The following TMOD3 variants were observed in gnomAD, a reference collection of about 807,000 sequenced individuals.
TMOD3 encodes the protein tropomodulin 3, also known as tropomodulin-3.
In TMOD3, 20 loss-of-function variants were observed where a neutral mutation model predicts 39.2. That is an observed-to-expected ratio of 0.51 (90% CI 0.36 to 0.74). TMOD3 has a LOEUF of 0.74. Among genes scored for constraint, TMOD3 ranks in the 30% least tolerant of loss-of-function variants. The pLI, the probability that TMOD3 is intolerant of heterozygous loss-of-function variation, is 0.00. For missense variants in TMOD3, 381 were observed against 412.8 expected (o/e 0.92, Z 0.67); for synonymous variants, 143 against 145.8 (o/e 0.98, Z 0.14).
intron 1 of TMOD3, chr15:51,859,453 C>A: frequency 1.2e-5 from 8 of 660,682 alleles, no homozygotes; most frequent in South Asian, 2.7e-5. Context: ...CTGAAAAAGT[C>A]AACTGAAAAT....
At chr15:51,892,089 T>G (rs2056596463) in intron 5 of TMOD3, among the ~76,000 whole-genome samples, 2 of 151,566 alleles carry the variant, frequency 1.3e-5, no homozygotes, top group Non-Finnish European at 2.9e-5. Flanking sequence ...TGTGTGATAT[T>G]TGAAAGTAAC....
chr15:51,903,730 T>C (rs2593182), intron 9 of TMOD3, among the ~76,000 whole-genome samples: 64,360 of 152,028 alleles, frequency 0.42, 13,816 homozygotes, highest in Admixed American at 0.51. Flanking sequence ...CTTCTTAGAG[T>C]AGCGTTTTAA....
chr15:51,895,573 G>C (rs1160434231), intron 6 of TMOD3, among the ~76,000 whole-genome samples: 1 of 151,946 alleles, frequency 6.6e-6, no homozygotes, highest in Non-Finnish European at 1.5e-5. Context: ...TAAATAAACA[G>C]TAATCATCTG....
intron 1 of TMOD3, among the ~76,000 whole-genome samples, chr15:51,836,105 C>A (rs978472159): frequency 6.6e-6 from 1 of 152,144 alleles, no homozygotes; most frequent in Non-Finnish European, 1.5e-5. Flanking sequence ...CTTATTCATT[C>A]CTTCCCCCTT....
intron 1 of TMOD3, among the ~76,000 whole-genome samples, chr15:51,855,097 A>G (rs2056381335): frequency 6.6e-6 from 1 of 152,370 alleles, no homozygotes; most frequent in African/African-American, 2.4e-5. Context: ...AAGAAAAGCA[A>G]CAGCACCCAT....
At chr15:51,838,803 G>A (rs2056299022) in intron 1 of TMOD3, among the ~76,000 whole-genome samples, 2 of 151,982 alleles carry the variant, frequency 1.3e-5, no homozygotes, top group Non-Finnish European at 2.9e-5. Context: ...CAGCTTCAAG[G>A]TGACTAGCTT....
chr15:51,888,934 G>A (rs1019576999), intron 4 of TMOD3, 122 bp from the exon 5 acceptor site: 27 of 620,660 alleles, frequency 4.4e-5, no homozygotes, highest in Non-Finnish European at 7.1e-5. Context: ...TTTCTGTGTG[G>A]GTGTGTGATC....
intron 1 of TMOD3, among the ~76,000 whole-genome samples, chr15:51,849,424 A>G (rs1708097156): frequency 6.6e-6 from 1 of 152,224 alleles, no homozygotes; most frequent in Admixed American, 6.5e-5. Flanking sequence ...AAAAGTTATC[A>G]GTGTATGAAA....
chr15:51,850,455 G>A (rs1206224071), intron 1 of TMOD3, among the ~76,000 whole-genome samples: 1 of 152,094 alleles, frequency 6.6e-6, no homozygotes, highest in Non-Finnish European at 1.5e-5. Context: ...TTTTATGATT[G>A]CTTCTATATT....
chr15:51,869,326 A>C lies in TMOD3; in HGVS notation c.236A>C (p.Glu79Ala), dbSNP rs763065892. 10 of 1,614,122 alleles carry C rather than the reference A, an allele frequency of 6.2e-6. No individual in the cohort carries two copies. The Admixed American group carries it at 1.5e-4, about 24-fold the overall frequency. ...TCATATCTGGAGAAAGAAGCATTGGAGCATAAAGACAGGGAAGACTATGTG... is the reference window on the plus strand; with the variant it reads ...TCATATCTGGAGAAAGAAGCATTGGCGCATAAAGACAGGGAAGACTATGTG... ...LLSYLEKEAL[E>A]HKDREDYVPY... Residue 79 changes from glutamate to alanine, a missense_variant, in exon 3 of 10, where the codon GAG (glutamate) becomes GCG (alanine). Transcript: ENST00000308580.
At chr15:51,888,334 A>C (rs1010045359) in intron 4 of TMOD3, among the ~76,000 whole-genome samples, 3 of 152,164 alleles carry the variant, frequency 2.0e-5, no homozygotes, top group Non-Finnish European at 4.4e-5. Flanking sequence ...TGAATGTAGC[A>C]CTGATGGTTC....
At chr15:51,833,998 C>T (rs1295611268) in intron 1 of TMOD3, among the ~76,000 whole-genome samples, 6 of 152,076 alleles carry the variant, frequency 3.9e-5, no homozygotes, top group Non-Finnish European at 8.8e-5. Flanking sequence ...ATGGTTGTAC[C>T]TCATTATGGT....
At chr15:51,885,596 C>G (rs534912008) in intron 3 of TMOD3, among the ~76,000 whole-genome samples, 3 of 152,258 alleles carry the variant, frequency 2.0e-5, no homozygotes, top group Non-Finnish European at 4.4e-5. Context: ...TCAGAGAACA[C>G]GGGGTTGGGG....
chr15:51,846,041 C>T (rs532961995), intron 1 of TMOD3, among the ~76,000 whole-genome samples: 323 of 151,628 alleles, frequency 2.1e-3, no homozygotes, highest in Non-Finnish European at 3.1e-3. Context: ...ACTGACTGAG[C>T]GCAGTGGCTC....
chr15:51,872,770 C>G (rs1310522423), intron 3 of TMOD3, among the ~76,000 whole-genome samples: 1 of 151,868 alleles, frequency 6.6e-6, no homozygotes, highest in East Asian at 1.9e-4. Flanking sequence ...CACCTGAGGA[C>G]CAGATTTATT....
chr15:51,871,982 G>T (rs996134626), intron 3 of TMOD3, among the ~76,000 whole-genome samples: 5 of 152,130 alleles, frequency 3.3e-5, no homozygotes, highest in Non-Finnish European at 7.3e-5. Context: ...CAGTGATTAA[G>T]ATGATAGCTT....
At chr15:51,874,128 T>C (rs2056489676) in intron 3 of TMOD3, among the ~76,000 whole-genome samples, 1 of 152,142 alleles carries the variant, frequency 6.6e-6, no homozygotes, top group African/African-American at 2.4e-5. Flanking sequence ...AAATTTCACA[T>C]TTAGTTTTTC....
chr15:51,883,788 A>G (rs1010411256), intron 3 of TMOD3, among the ~76,000 whole-genome samples: 9 of 152,236 alleles, frequency 5.9e-5, no homozygotes, highest in African/African-American at 1.4e-4. Context: ...GCCACTGTGC[A>G]TATAACATTT....
intron 1 of TMOD3, among the ~76,000 whole-genome samples, chr15:51,862,050 T>C (rs1049820129): frequency 4.2e-4 from 64 of 152,266 alleles, no homozygotes; most frequent in African/African-American, 1.4e-3. Context: ...AATCAGCAGA[T>C]GATTAGCTCT....
Sources: gnomAD v4.1 joint callset for allele counts (sites outside exome capture counted in the v4.1 genomes callset) on GRCh38, gnomAD v4.1.1 for gene constraint, MANE v1.5 for transcripts, NCBI Gene and HGNC (gene_info 2026-07-23, HGNC 2026-07-21) for gene names.